Variants in ELP4 observed in about 807,000 individuals in gnomAD.
ELP4 encodes the protein elongator complex protein 4.
Under a neutral mutation model 48.9 loss-of-function variants are expected in ELP4, and 51 were observed. The observed-to-expected ratio is 1.04, with a 90% confidence interval of 0.83 to 1.32. ELP4 has a LOEUF of 1.32. Ranked by LOEUF, ELP4 falls within the 40% of genes most tolerant of loss-of-function variation. The pLI, the probability that ELP4 is intolerant of heterozygous loss-of-function variation, is 0.00. For missense variants in ELP4, 519 were observed against 514.6 expected, an observed-to-expected ratio of 1.01 and a Z score of -0.08; for synonymous variants, 210 against 189.2, an observed-to-expected ratio of 1.11 and a Z score of -0.90.
intron 9 of ELP4, among the ~76,000 whole-genome samples, chr11:31,745,444 G>A (rs1947564525): frequency 1.3e-5 from 2 of 152,144 alleles, no homozygotes; most frequent in African/African-American, 4.8e-5. Context: ...TCAATCCTAA[G>A]CCAAAAGAAC....
At chr11:31,721,435 T>C (rs1412931186) in intron 9 of ELP4, among the ~76,000 whole-genome samples, 1 of 152,218 alleles carries the variant, frequency 6.6e-6, no homozygotes, top group African/African-American at 2.4e-5. Flanking sequence ...ACATTAGTAC[T>C]GTATCACAAC....
At chr11:31,771,361 A>G (rs1948138808) in intron 9 of ELP4, among the ~76,000 whole-genome samples, 1 of 152,148 alleles carries the variant, frequency 6.6e-6, no homozygotes, top group Admixed American at 6.5e-5. Flanking sequence ...ATTATTGCAA[A>G]TCTCCATGCA....
chr11:31,785,838 T>G lies in ELP4; in HGVS notation c.*2314T>G, dbSNP rs1948576303. The G allele has an allele frequency of 1.0e-5, 2 of 195,924 alleles. No homozygotes were observed. The highest frequency in any genetic ancestry group is 1.1e-5 in the Non-Finnish European group (1 of 94,410). The allele number at this position is 195,924 out of a possible 1,614,324, so 12.1% of individuals were successfully genotyped here. ...CACCATTTTGATACATTATGAAATA[T>G]ACACTCCATTAACAGATTTTTTTTA... On this transcript the variant is annotated 3_prime_UTR_variant, in exon 10 of 10. Transcript: ENST00000640961.
intron 3 of ELP4, among the ~76,000 whole-genome samples, chr11:31,566,873 A>C (rs555451337): frequency 6.6e-6 from 1 of 152,334 alleles, no homozygotes; most frequent in South Asian, 2.1e-4. Context: ...AAAGAAGCAC[A>C]ACATGTAAGG....
intron 9 of ELP4, among the ~76,000 whole-genome samples, chr11:31,773,445 G>A (rs1948187456): frequency 1.3e-5 from 2 of 152,114 alleles, no homozygotes; most frequent in South Asian, 4.2e-4. Context: ...GTAAAGAATT[G>A]GGAGACCACC....
chr11:31,541,335 A>T (rs1435064668), intron 3 of ELP4: 1 of 151,882 alleles, frequency 6.6e-6, no homozygotes, highest in Non-Finnish European at 1.5e-5. Context: ...TTTTTTTCTC[A>T]ATCTCTTTTG....
chr11:31,529,160 A>G (rs1319985101), intron 2 of ELP4, among the ~76,000 whole-genome samples: 2 of 151,984 alleles, frequency 1.3e-5, no homozygotes, highest in African/African-American at 4.8e-5. Flanking sequence ...AAACCAATGC[A>G]TGAGAAGTGC....
chr11:31,553,549 CA>C (rs1956883876), intron 3 of ELP4, among the ~76,000 whole-genome samples: 1 of 152,100 alleles, frequency 6.6e-6, no homozygotes, highest in African/African-American at 2.4e-5. Context: ...TGCCAGCCTG[CA>C]AATTGGAATT....
chr11:31,704,491 G>A (rs1051900846), intron 9 of ELP4, among the ~76,000 whole-genome samples: 2 of 152,000 alleles, frequency 1.3e-5, no homozygotes, highest in African/African-American at 4.8e-5. Flanking sequence ...CTGTTGTGGG[G>A]TGGGAGGAGG....
intron 3 of ELP4, among the ~76,000 whole-genome samples, chr11:31,572,957 G>A (rs1215010559): frequency 6.6e-6 from 1 of 152,110 alleles, no homozygotes; most frequent in East Asian, 1.9e-4. Flanking sequence ...GCAGTGAGCT[G>A]TGTTTGCACC....
chr11:31,764,708 A>G (rs1032470008), intron 9 of ELP4, among the ~76,000 whole-genome samples: 1 of 152,134 alleles, frequency 6.6e-6, no homozygotes, highest in Non-Finnish European at 1.5e-5. Context: ...ATACAGATAA[A>G]TTTTCTGAAG....
chr11:31,757,785 G>C (rs1039107934), intron 9 of ELP4, among the ~76,000 whole-genome samples: 1 of 152,108 alleles, frequency 6.6e-6, no homozygotes, highest in Non-Finnish European at 1.5e-5. Flanking sequence ...TCAAATTTTG[G>C]TTCTAAGAAA....
intron 9 of ELP4, among the ~76,000 whole-genome samples, chr11:31,737,747 T>A (rs1252964648): frequency 2.0e-5 from 3 of 152,008 alleles, no homozygotes; most frequent in Non-Finnish European, 4.4e-5. Context: ...ATCACAATAG[T>A]CAAGGAGGAA....
chr11:31,580,150 TG>T lies in ELP4; in HGVS notation c.382-14617del, dbSNP rs371161498. Among the ~76,000 whole-genome samples, 1,007 of 152,274 alleles carry T rather than the reference TG, an allele frequency of 6.6e-3. 11 individuals are homozygous for T. The highest frequency in any genetic ancestry group is 0.023 in the African/African-American group (972 of 41,544). ...AACTCCCGCTTCAGAGAAGGCCTCT[TG>T]GGTTGGATATTCATTATCAAATACA... is the stretch of plus-strand genomic sequence containing the variant. On this transcript the variant is annotated intron_variant, in intron 3 of 9. Coordinates refer to ENST00000640961, the MANE Select transcript of ELP4 (RefSeq NM_019040.5).
chr11:31,699,787 C>T (rs1186109239), intron 9 of ELP4, among the ~76,000 whole-genome samples: 2 of 152,102 alleles, frequency 1.3e-5, no homozygotes, highest in Admixed American at 6.6e-5. Flanking sequence ...TGGCACATCA[C>T]CTTGATGTGT....
intron 9 of ELP4, among the ~76,000 whole-genome samples, chr11:31,727,587 G>T (rs1378147510): frequency 6.6e-6 from 1 of 152,124 alleles, no homozygotes; most frequent in Non-Finnish European, 1.5e-5. Context: ...ATTAATGTCA[G>T]TGAACATAGT....
At chr11:31,529,438 C>A (rs1956356724) in intron 2 of ELP4, among the ~76,000 whole-genome samples, 2 of 152,088 alleles carry the variant, frequency 1.3e-5, no homozygotes, top group South Asian at 4.1e-4. Context: ...AGCAGGAGTA[C>A]AACATTTATG....
At chr11:31,782,254 C>A (rs1325135511) in intron 9 of ELP4, among the ~76,000 whole-genome samples, 1 of 152,200 alleles carries the variant, frequency 6.6e-6, no homozygotes, top group Non-Finnish European at 1.5e-5. Flanking sequence ...CTAACTGGAG[C>A]ATATGCTTGT....
At chr11:31,619,479 A>C (rs1181326625) in intron 5 of ELP4, among the ~76,000 whole-genome samples, 1 of 151,982 alleles carries the variant, frequency 6.6e-6, no homozygotes, top group Non-Finnish European at 1.5e-5. Context: ...GTGCCAGCAT[A>C]GTCAGATTCT....
Sources: gnomAD v4.1 joint callset for allele counts (sites outside exome capture counted in the v4.1 genomes callset) on GRCh38, gnomAD v4.1.1 for gene constraint, MANE v1.5 for transcripts, NCBI Gene and HGNC (gene_info 2026-07-23, HGNC 2026-07-21) for gene names.